Variants in CEP128 observed in about 807,000 individuals in gnomAD.
CEP128 encodes centrosomal protein 128, also known as centrosomal protein 128kDa.
Under a neutral mutation model 156.7 loss-of-function variants are expected in CEP128, and 132 were observed. That is an observed-to-expected ratio of 0.84 (90% confidence interval 0.73 to 0.97). CEP128 has a LOEUF of 0.97. Among genes scored for constraint, CEP128 ranks in the 50% least tolerant of loss-of-function variants. The pLI, the probability that CEP128 is intolerant of heterozygous loss-of-function variation, is 0.00. For missense variants in CEP128, 1,252 were observed against 1,281.9 expected (o/e 0.98, Z 0.36); for synonymous variants, 469 against 448.9 (o/e 1.04, Z -0.57).
At chr14:80,890,757 A>C (rs1889057744) in intron 8 of CEP128, among the ~76,000 whole-genome samples, 1 of 152,138 alleles carries the variant, frequency 6.6e-6, no homozygotes, top group Non-Finnish European at 1.5e-5. Context: ...ACAAACCTGC[A>C]TGTTCTGCAC....
At chr14:80,833,138 G>A (rs1207872229) in intron 12 of CEP128, among the ~76,000 whole-genome samples, 1 of 151,834 alleles carries the variant, frequency 6.6e-6, no homozygotes, top group Non-Finnish European at 1.5e-5. Context: ...ATTTGTAAAT[G>A]TATTTGTTTA....
intron 8 of CEP128, among the ~76,000 whole-genome samples, chr14:80,886,183 G>C (rs1478114290): frequency 1.3e-5 from 2 of 152,098 alleles, no homozygotes; most frequent in African/African-American, 2.4e-5. Flanking sequence ...TGGGGAGAAT[G>C]AAACCAAGTT....
At chr14:80,567,453 C>T (rs1890962233) in intron 20 of CEP128, among the ~76,000 whole-genome samples, 1 of 152,072 alleles carries the variant, frequency 6.6e-6, no homozygotes, top group South Asian at 2.1e-4. Context: ...TATTTAAAAT[C>T]CCTATACATA....
At chr14:80,880,865 AAATAATAATAATAATAAT>A (rs375304920) in intron 8 of CEP128, among the ~76,000 whole-genome samples, 1,377 of 124,956 alleles carry the variant, frequency 0.011, 32 homozygotes, top group African/African-American at 0.038. Flanking sequence ...TCCATCTCAA[AAATAATAATAATAATAAT>A]AATAATAATA....
intron 19 of CEP128, among the ~76,000 whole-genome samples, chr14:80,672,267 T>C (rs1390032937): frequency 2.0e-5 from 3 of 151,848 alleles, no homozygotes; most frequent in Admixed American, 6.6e-5. Flanking sequence ...TCTCTGAAAT[T>C]TACATTATCA....
At chr14:80,633,562 C>G (rs531419848) in intron 19 of CEP128, among the ~76,000 whole-genome samples, 1 of 152,272 alleles carries the variant, frequency 6.6e-6, no homozygotes, top group Non-Finnish European at 1.5e-5. Flanking sequence ...GAAGTTCTTT[C>G]ATTTCTCCAA....
chr14:80,682,230 G>C (rs1000851280), intron 19 of CEP128, among the ~76,000 whole-genome samples: 1 of 152,170 alleles, frequency 6.6e-6, no homozygotes, highest in Non-Finnish European at 1.5e-5. Context: ...AATCCAGTAA[G>C]TGAAGAAAAA....
At chr14:80,648,155 A>C (rs1392415476) in intron 19 of CEP128, among the ~76,000 whole-genome samples, 1 of 152,000 alleles carries the variant, frequency 6.6e-6, no homozygotes, top group African/African-American at 2.4e-5. Context: ...ATGAAAGCTT[A>C]CCAGTGTAAT....
At chr14:80,848,916 T>C (rs1159560349) in intron 9 of CEP128, among the ~76,000 whole-genome samples, 2 of 148,014 alleles carry the variant, frequency 1.4e-5, no homozygotes, top group East Asian at 2.0e-4. Context: ...AGTGAGACTG[T>C]CTCAAAAAAA....
chr14:80,862,952 G>T, intron 8 of CEP128, 79 bp from the exon 9 acceptor site: 1 of 965,936 alleles, frequency 1.0e-6, no homozygotes, highest in Non-Finnish European at 1.7e-6. Context: ...TAGTTTTATA[G>T]CAGATACACT....
intron 1 of CEP128, among the ~76,000 whole-genome samples, chr14:80,940,757 T>C (rs1220862959): frequency 1.3e-5 from 2 of 152,258 alleles, no homozygotes; most frequent in Non-Finnish European, 2.9e-5. Context: ...AAATAAACTA[T>C]TATTTAATTT....
intron 2 of CEP128, among the ~76,000 whole-genome samples, chr14:80,926,189 C>A (rs1815695885): frequency 1.3e-5 from 2 of 152,122 alleles, no homozygotes; most frequent in Non-Finnish European, 2.9e-5. Context: ...GACCTGGGTG[C>A]CTCTACTTCA....
chr14:80,528,682 A>G (rs1693474748), intron 22 of CEP128, among the ~76,000 whole-genome samples: 1 of 152,232 alleles, frequency 6.6e-6, no homozygotes, highest in Admixed American at 6.5e-5. Flanking sequence ...CTTAAAAGTC[A>G]TAGGCTATGG....
downstream of CEP128, among the ~76,000 whole-genome samples, chr14:80,485,772 T>G (rs147422688): frequency 6.6e-6 from 1 of 152,222 alleles, no homozygotes; most frequent in Non-Finnish European, 1.5e-5. Context: ...AGGCCACTAG[T>G]GCTGAGGAAA....
At chr14:80,581,363 T>C (rs1204322907) in intron 19 of CEP128, among the ~76,000 whole-genome samples, 2 of 152,192 alleles carry the variant, frequency 1.3e-5, no homozygotes, top group African/African-American at 2.4e-5. Context: ...AGAAGTCTAA[T>C]ATGTATCCCA....
chr14:80,562,289 C>G (rs1199197405), intron 20 of CEP128, among the ~76,000 whole-genome samples: 2 of 152,046 alleles, frequency 1.3e-5, no homozygotes, highest in Non-Finnish European at 2.9e-5. Flanking sequence ...AATAAAAAAA[C>G]TGTATGTCAA....
chr14:80,514,265 A>G (rs1416449080), intron 23 of CEP128, among the ~76,000 whole-genome samples: 1 of 152,206 alleles, frequency 6.6e-6, no homozygotes. Context: ...CCTTGGGCAC[A>G]TGTTCTGAGG....
downstream of CEP128, among the ~76,000 whole-genome samples, chr14:80,486,853 C>T (rs1275918852): frequency 1.3e-5 from 2 of 152,070 alleles, no homozygotes; most frequent in Non-Finnish European, 2.9e-5. Flanking sequence ...ACCAGGCCTG[C>T]CCTAAATAGC....
At chr14:80,540,269 A>T (rs975420173) in intron 21 of CEP128, among the ~76,000 whole-genome samples, 1 of 146,826 alleles carries the variant, frequency 6.8e-6, no homozygotes, top group Non-Finnish European at 1.5e-5. Context: ...AGTCCTACTG[A>T]TATGTGATGT....
Sources: allele counts gnomAD v4.1 joint callset (sites outside exome capture counted in the v4.1 genomes callset), GRCh38; gene constraint gnomAD v4.1.1; transcripts MANE v1.5; gene names NCBI Gene and HGNC (gene_info 2026-07-23, HGNC 2026-07-21).